MYH9: variants seen among roughly 807,000 people sequenced by gnomAD.
MYH9 encodes myosin-9.
In MYH9, 29 loss-of-function variants were observed where a neutral mutation model predicts 241.9. The observed-to-expected ratio is 0.12, with a 90% CI of 0.09 to 0.16. MYH9 has a LOEUF of 0.16. Among genes scored for constraint, MYH9 ranks in the 10% least tolerant of loss-of-function variants. MYH9 has a pLI of 1.00. For synonymous variants in MYH9, 1,047 were observed against 1,062.6 expected (o/e 0.99, Z 0.29); for missense variants, 1,803 against 2,595.5 (o/e 0.69, Z 6.63).
rs904892664 is a variant in MYH9 at position 36,293,117 on chromosome 22, T to C, written c.4095+212A>G. Reference sequence around the variant, plus strand: ...GACTGGTGAAAATAAAGGTGTAAAATAGTGAAAATAGTGGTGTCCCCCATC... The same window carrying C: ...GACTGGTGAAAATAAAGGTGTAAAACAGTGAAAATAGTGGTGTCCCCCATC... On this transcript the variant is annotated intron_variant, in intron 30 of 40. Transcript: ENST00000216181. This position sits in a 1 kb window ranked among gnomAD's most constrained non-coding sequence, Gnocchi z 5.1. Among the ~76,000 whole-genome samples the C allele has an allele frequency of 1.3e-5, 2 of 152,190 alleles. No homozygotes were observed. The highest frequency in any genetic ancestry group is 2.4e-5 in the African/African-American group (1 of 41,434).
chr22:36,319,680 G>T (rs1364140470), intron 9 of MYH9, 45 bp from the exon 10 acceptor site: 2 of 1,581,718 alleles, frequency 1.3e-6, no homozygotes, highest in Non-Finnish European at 1.7e-6. Context: ...CATGGGTCAT[G>T]GTGATTCCCG....
chr22:36,290,488 G>A (rs1356548179), intron 31 of MYH9, among the ~76,000 whole-genome samples: 6 of 152,280 alleles, frequency 3.9e-5, no homozygotes, highest in African/African-American at 1.2e-4. Flanking sequence ...GCGTGATCTC[G>A]GCTTGCTACA....
chr22:36,369,189 G>C (rs181679466), intron 1 of MYH9, among the ~76,000 whole-genome samples: 449 of 152,264 alleles, frequency 2.9e-3, no homozygotes, highest in Admixed American at 5.0e-3. Flanking sequence ...CGTACTGGTG[G>C]CCACTATCTA....
At chr22:36,354,811 C>T (rs960409453) in intron 1 of MYH9, among the ~76,000 whole-genome samples, 4 of 152,062 alleles carry the variant, frequency 2.6e-5, no homozygotes, top group African/African-American at 9.7e-5. Flanking sequence ...CATACAAACA[C>T]TTCTACAGTC....
intron 1 of MYH9, among the ~76,000 whole-genome samples, chr22:36,364,327 G>C (rs1413591916): frequency 1.3e-5 from 2 of 152,180 alleles, no homozygotes; most frequent in Admixed American, 1.3e-4. Context: ...CATCCCCAGT[G>C]CCCCACATAT....
At chr22:36,308,962 A>C (rs1325107819) in intron 15 of MYH9, 1 of 704,756 alleles carries the variant, frequency 1.4e-6, no homozygotes, top group Non-Finnish European at 1.7e-6. Flanking sequence ...CAACCAGCCT[A>C]CCAAGGAGTA....
At chr22:36,380,375 G>C (rs765801138) in intron 1 of MYH9, among the ~76,000 whole-genome samples, 11 of 152,200 alleles carry the variant, frequency 7.2e-5, no homozygotes, top group Non-Finnish European at 1.6e-4. Flanking sequence ...CCACAGGCCA[G>C]ATGTCTTAGG....
At chr22:36,356,903 G>T (rs1416380471) in intron 1 of MYH9, among the ~76,000 whole-genome samples, 1 of 152,274 alleles carries the variant, frequency 6.6e-6, no homozygotes, top group Non-Finnish European at 1.5e-5. Flanking sequence ...CCGCTAGACA[G>T]ATCTGCCATG....
At chr22:36,283,748 G>A (rs768068413) in intron 40 of MYH9, among the ~76,000 whole-genome samples, 15 of 152,170 alleles carry the variant, frequency 9.9e-5, no homozygotes, top group South Asian at 2.1e-4. Flanking sequence ...GCAAAGGAGC[G>A]TTTTTAACCT....
chr22:36,333,275 C>T (rs964877014), intron 3 of MYH9, among the ~76,000 whole-genome samples: 11 of 152,192 alleles, frequency 7.2e-5, no homozygotes, highest in Admixed American at 6.5e-4. Context: ...CAGTTAACAG[C>T]GCATGAACAC....
intron 1 of MYH9, among the ~76,000 whole-genome samples, chr22:36,372,383 GGAGGCTGAGGTGGGAGGATCACTT>G (rs1417633776): frequency 6.6e-6 from 1 of 151,884 alleles, no homozygotes; most frequent in East Asian, 1.9e-4. Flanking sequence ...CAGCTACTTG[GGAGGCTGAGGTGGGAGGATCACTT>G]GAGCCCAGGA....
intron 13 of MYH9, 23 bp downstream of exon 13, chr22:36,314,122 G>A (rs754224581): frequency 1.2e-6 from 2 of 1,611,508 alleles, no homozygotes; most frequent in African/African-American, 2.7e-5. Context: ...CAGGTGTGAG[G>A]TCAAAGCAAG....
chr22:36,351,231 G>A (rs569153298), intron 1 of MYH9, among the ~76,000 whole-genome samples: 3 of 152,334 alleles, frequency 2.0e-5, no homozygotes, highest in South Asian at 4.1e-4. Flanking sequence ...CAAGTCCCAG[G>A]AACAGAGCTT....
chr22:36,300,232 G>C lies in MYH9; in HGVS notation c.2871C>G (p.Ser957Arg). 6.2e-7 allele frequency: 1 copy of C among 1,613,436 alleles called. No individual in the cohort carries two copies. The highest frequency in any genetic ancestry group is 8.5e-7 in the Non-Finnish European group (1 of 1,180,032). The change falls in exon 23 of 41, where the codon AGC becomes AGG. Residue 957 changes from serine to arginine, a missense_variant. Physicochemically the swap from Ser to Arg is moderately radical, Grantham distance 110 (BLOSUM62 -1). Transcript: ENST00000216181. The surrounding 1 kb of genome is among the most constrained non-coding windows in gnomAD (Gnocchi z 5.0). Reference protein sequence around the residue: ...ELEEQLEEEESARQKLQLEKV... With the variant: ...ELEEQLEEEERARQKLQLEKV... Reference sequence around the variant, plus strand: ...TCTCCAGCTGCAGCTTCTGCCGGGCGCTCTCCTCCTCCTCCAGCTGCTCCT... The same window carrying C: ...TCTCCAGCTGCAGCTTCTGCCGGGCCCTCTCCTCCTCCTCCAGCTGCTCCT...
chr22:36,291,949 A>C, intron 31 of MYH9, 37 bp downstream of exon 31: 1 of 1,613,686 alleles, frequency 6.2e-7, no homozygotes, highest in Admixed American at 1.7e-5. Flanking sequence ...TGCTTGAAGG[A>C]GAGGAAATGC....
intron 1 of MYH9, among the ~76,000 whole-genome samples, chr22:36,385,556 G>T (rs905481231): frequency 1.3e-5 from 2 of 152,052 alleles, no homozygotes; most frequent in East Asian, 3.9e-4. Flanking sequence ...AACCCCTTAG[G>T]TTAAAAAGTT....
At chr22:36,353,127 GTGT>G in intron 1 of MYH9, among the ~76,000 whole-genome samples, 1 of 146,786 alleles carries the variant, frequency 6.8e-6, no homozygotes, top group Non-Finnish European at 1.5e-5. Flanking sequence ...GTGTGTGTGT[GTGT>G]GTATAAGTGT....
At chr22:36,343,636 T>C (rs1457757146) in intron 2 of MYH9, among the ~76,000 whole-genome samples, 1 of 152,086 alleles carries the variant, frequency 6.6e-6, no homozygotes, top group African/African-American at 2.4e-5. Flanking sequence ...GGCCCTTGAT[T>C]TCCTTTCTTC....
intron 1 of MYH9, among the ~76,000 whole-genome samples, chr22:36,384,208 T>G (rs1488139215): frequency 1.3e-5 from 2 of 150,210 alleles, no homozygotes; most frequent in Non-Finnish European, 3.0e-5. Flanking sequence ...GGGGCAGAGG[T>G]TGCAGTGAGC....
Sources: allele counts gnomAD v4.1 joint callset (sites outside exome capture counted in the v4.1 genomes callset), GRCh38; gene constraint gnomAD v4.1.1; non-coding constraint Gnocchi (gnomAD v3.1); transcripts MANE v1.5; gene names NCBI Gene and HGNC (gene_info 2026-07-23, HGNC 2026-07-21).